The following UHRF1 variants were observed in gnomAD, a reference collection of about 807,000 sequenced individuals.
UHRF1 encodes the protein ubiquitin like with PHD and ring finger domains 1.
UHRF1 carries 9 observed loss-of-function variants against 96.5 expected under a neutral mutation model. The ratio of observed to expected loss-of-function variants is 0.09; its 90% CI spans 0.06 to 0.16. The LOEUF (loss-of-function observed/expected upper bound fraction) is 0.16, where lower values mean the gene tolerates loss of function less well. Among genes scored for constraint, UHRF1 ranks in the 10% least tolerant of loss-of-function variants. The pLI is 1.00. For missense variants in UHRF1, 626 were observed against 1,131.1 expected, an observed-to-expected ratio of 0.55 and a Z score of 6.40; for synonymous variants, 455 against 469.9, an observed-to-expected ratio of 0.97 and a Z score of 0.41.
intron 8 of UHRF1, 39 bp downstream of exon 8, chr19:4,944,294 C>T (rs1173931881): frequency 9.9e-6 from 16 of 1,613,832 alleles, no homozygotes; most frequent in Non-Finnish European, 1.1e-5. Context: ...GGCCCCTCCC[C>T]GCCTGCCAGG....
intron 2 of UHRF1, among the ~76,000 whole-genome samples, chr19:4,915,166 G>A (rs2032443772): frequency 6.6e-6 from 1 of 152,228 alleles, no homozygotes; most frequent in African/African-American, 2.4e-5. Flanking sequence ...CCTTGCAAGA[G>A]TCACTTGTCA....
At chr19:4,928,428 A>G (rs978163857) in intron 2 of UHRF1, among the ~76,000 whole-genome samples, 1 of 152,058 alleles carries the variant, frequency 6.6e-6, no homozygotes, top group Non-Finnish European at 1.5e-5. Context: ...CGGCTTCTCC[A>G]GCCCCCAGAT....
At chr19:4,943,259 G>T (rs768947773) in intron 7 of UHRF1, among the ~76,000 whole-genome samples, 1 of 151,820 alleles carries the variant, frequency 6.6e-6, no homozygotes, top group African/African-American at 2.4e-5. Flanking sequence ...AAAAAGGGGG[G>T]GTGGTGAGGA....
chr19:4,909,300 C>T, upstream of UHRF1: 1 of 542,714 alleles, frequency 1.8e-6, no homozygotes, highest in Non-Finnish European at 3.2e-6. Flanking sequence ...GCACGCTGGG[C>T]GCGCCCAGCA....
chr19:4,937,931 A>T (rs2146349128), intron 5 of UHRF1, among the ~76,000 whole-genome samples: 2 of 152,234 alleles, frequency 1.3e-5, no homozygotes, highest in South Asian at 4.2e-4. Flanking sequence ...TGGGCGGATC[A>T]CTTGAGGTTA....
chr19:4,947,113 G>A lies in UHRF1; in HGVS notation c.1419G>A (p.Gly473=). ...CTTCTTGTCTGTTTCAGGACCATGG[G>A]AATTTTTTCACATACACGGGTAGTG... is the stretch of plus-strand genomic sequence containing the variant. ...AGGYEDDVDH[G]NFFTYTGSGG... The change falls in exon 11 of 17, where the codon GGG becomes GGA. Residue 473 remains glycine, a synonymous_variant. Coordinates refer to ENST00000650932, the MANE Select transcript of UHRF1 (RefSeq NM_001048201.3). 1 of 1,613,392 alleles carries A rather than the reference G, an allele frequency of 6.2e-7. No homozygotes were observed. Among genetic ancestry groups the A allele is most frequent in the Non-Finnish European group, 8.5e-7 (1 of 1,179,682 alleles).
intron 13 of UHRF1, among the ~76,000 whole-genome samples, chr19:4,952,582 G>A (rs1199828450): frequency 2.0e-5 from 3 of 151,404 alleles, no homozygotes; most frequent in Admixed American, 6.6e-5. Flanking sequence ...TAGTAGAGAC[G>A]GGGTTTCGCC....
intron 2 of UHRF1, among the ~76,000 whole-genome samples, chr19:4,922,193 T>C (rs1170274668): frequency 6.6e-6 from 1 of 151,474 alleles, no homozygotes; most frequent in Non-Finnish European, 1.5e-5. Flanking sequence ...GTGATCTGCC[T>C]GCCTCGGCCT....
chr19:4,909,271 C>G (rs1255765656), upstream of UHRF1: 1 of 527,690 alleles, frequency 1.9e-6, no homozygotes, highest in African/African-American at 2.0e-5. Context: ...GTGACCAGGC[C>G]CTGCCACGCA....
chr19:4,908,253 C>T (rs1012485973), upstream of UHRF1, among the ~76,000 whole-genome samples: 13 of 152,058 alleles, frequency 8.5e-5, no homozygotes, highest in African/African-American at 1.4e-4. Flanking sequence ...GGTCTAGAGA[C>T]GCATATCTTC....
intron 2 of UHRF1, among the ~76,000 whole-genome samples, chr19:4,917,536 C>A (rs1445480452): frequency 6.6e-6 from 1 of 151,330 alleles, no homozygotes. Context: ...CGTCTGTAGT[C>A]CCAGCTACTT....
In UHRF1 at chr19:4,954,321, A is replaced by G. The variant is rs1261839377; in HGVS notation, c.1819-29A>G. The stretch of plus-strand genomic sequence containing the variant: ...GCATAGCGTGTGGGCCCCAAGCCTG[A>G]CTCACGGCTGTCCCTCTTCCTCCTG... On this transcript the variant is annotated intron_variant, in intron 13 of 16. Coordinates refer to ENST00000650932, the MANE Select transcript of UHRF1 (RefSeq NM_001048201.3). The surrounding 1 kb of genome is among the most constrained non-coding windows in gnomAD (Gnocchi z 5.9). The G allele has an allele frequency of 8.7e-6, 14 of 1,606,722 alleles. No individual in the cohort carries two copies. Among genetic ancestry groups the G allele is most frequent in the Non-Finnish European group, 1.2e-5 (14 of 1,177,596 alleles).
chr19:4,956,391 G>A (rs2033857696), intron 15 of UHRF1, among the ~76,000 whole-genome samples: 1 of 152,214 alleles, frequency 6.6e-6, no homozygotes, highest in Non-Finnish European at 1.5e-5. Context: ...GCCCTGTCTT[G>A]ACTCAGTGCA....
upstream of UHRF1, among the ~76,000 whole-genome samples, chr19:4,907,484 G>C (rs1028418032): frequency 3.3e-5 from 5 of 152,060 alleles, no homozygotes; most frequent in South Asian, 2.1e-4. Context: ...GACCAGGCTA[G>C]TCTGGCGACT....
At chr19:4,940,359 A>ATGTTTTTT (rs2033354186) in intron 5 of UHRF1, among the ~76,000 whole-genome samples, 1 of 67,056 alleles carries the variant, frequency 1.5e-5, no homozygotes, top group Non-Finnish European at 2.7e-5. Flanking sequence ...TGCCTTTATG[A>ATGTTTTTT]TTTTTTTTTT....
chr19:4,925,148 GCTTTATTATATCC>G (rs770730400), intron 2 of UHRF1, among the ~76,000 whole-genome samples: 6 of 152,010 alleles, frequency 3.9e-5, no homozygotes, highest in Non-Finnish European at 8.8e-5. Context: ...TTAAATAACG[GCTTTATTATATCC>G]CTGCAGTTCA....
chr19:4,913,033 C>T (rs867766302), intron 2 of UHRF1, among the ~76,000 whole-genome samples: 9 of 152,010 alleles, frequency 5.9e-5, no homozygotes, highest in African/African-American at 1.4e-4. Context: ...GGGTTACAGG[C>T]GTGAGCTACA....
chr19:4,911,045 C>G lies in UHRF1; in HGVS notation c.153+7C>G. On this transcript the variant is annotated splice_region_variant and intron_variant, in intron 2 of 16. Transcript: ENST00000650932. Reference sequence around the variant, plus strand: ...GTTCTACAGGGGCAAACAGGTACACCCGCCGCCAGCACCTTTGTTCTATGC... The same window carrying G: ...GTTCTACAGGGGCAAACAGGTACACGCGCCGCCAGCACCTTTGTTCTATGC... 1 of 1,575,362 alleles carries G rather than the reference C, an allele frequency of 6.3e-7. No individual in the cohort carries two copies. The highest frequency in any genetic ancestry group is 8.6e-7 in the Non-Finnish European group (1 of 1,157,238).
At chr19:4,921,604 A>G (rs150734122) in intron 2 of UHRF1, among the ~76,000 whole-genome samples, 50 of 152,154 alleles carry the variant, frequency 3.3e-4, no homozygotes, top group Middle Eastern at 3.4e-3. Context: ...AAAATACAAA[A>G]AACTTTCTGG....
Sources: allele counts gnomAD v4.1 joint callset (sites outside exome capture counted in the v4.1 genomes callset), GRCh38; gene constraint gnomAD v4.1.1; non-coding constraint Gnocchi (gnomAD v3.1); transcripts MANE v1.5; gene names NCBI Gene and HGNC (gene_info 2026-07-23, HGNC 2026-07-21).